Variants in RAD51B observed in about 807,000 individuals in gnomAD.
RAD51B encodes the protein RAD51 paralog B, also known as DNA repair protein RAD51 homolog 2.
A neutral mutation model predicts 42.2 loss-of-function variants in RAD51B; 38 were observed. The ratio of observed to expected loss-of-function variants is 0.90; its 90% CI spans 0.70 to 1.18. The LOEUF (loss-of-function observed/expected upper bound fraction) is 1.18. Among genes scored for constraint, RAD51B ranks in the 50% most tolerant of loss-of-function variants. RAD51B has a pLI of 0.00. For missense variants in RAD51B, 373 were observed against 400.7 expected (o/e 0.93, Z 0.59); for synonymous variants, 154 against 145.2 (o/e 1.06, Z -0.43).
intron 7 of RAD51B, among the ~76,000 whole-genome samples, chr14:68,175,178 C>A (rs536683188): frequency 6.6e-6 from 1 of 152,128 alleles, no homozygotes; most frequent in Non-Finnish European, 1.5e-5. Flanking sequence ...CTGAGACTTA[C>A]AACTTCAAAC....
intron 8 of RAD51B, among the ~76,000 whole-genome samples, chr14:68,295,344 G>C (rs1481955282): frequency 2.0e-5 from 3 of 152,264 alleles, no homozygotes; most frequent in Non-Finnish European, 4.4e-5. Flanking sequence ...AATTTAATAA[G>C]GGTGGTGGGG....
intron 7 of RAD51B, among the ~76,000 whole-genome samples, chr14:68,054,227 T>G (rs1825560363): frequency 6.6e-6 from 1 of 152,212 alleles, no homozygotes; most frequent in African/African-American, 2.4e-5. Context: ...CCTGAGCATG[T>G]GTTGCATTCA....
chr14:68,024,073 A>C (rs377758071), intron 7 of RAD51B, among the ~76,000 whole-genome samples: 3 of 152,186 alleles, frequency 2.0e-5, no homozygotes, highest in Non-Finnish European at 2.9e-5. Flanking sequence ...ATGGCTAGCC[A>C]GCTATCCCAG....
chr14:68,056,899 C>T (rs758743350), intron 7 of RAD51B, among the ~76,000 whole-genome samples: 1 of 151,760 alleles, frequency 6.6e-6, no homozygotes, highest in Non-Finnish European at 1.5e-5. Flanking sequence ...GCCAACATGG[C>T]GAACATGGTG....
chr14:67,894,868 G>A (rs1405465848), intron 7 of RAD51B, among the ~76,000 whole-genome samples: 1 of 152,100 alleles, frequency 6.6e-6, no homozygotes, highest in African/African-American at 2.4e-5. Context: ...CAGCTATGCC[G>A]AGTTCTAGTG....
intron 7 of RAD51B, among the ~76,000 whole-genome samples, chr14:68,109,114 T>C (rs1223425944): frequency 1.3e-5 from 2 of 152,012 alleles, no homozygotes; most frequent in Admixed American, 1.3e-4. Context: ...AATTATATCA[T>C]TAAAAAATGT....
chr14:68,185,645 G>A (rs971299149), intron 7 of RAD51B, among the ~76,000 whole-genome samples: 3 of 151,892 alleles, frequency 2.0e-5, no homozygotes, highest in African/African-American at 4.8e-5. Context: ...GACCAGTTTT[G>A]TGGAAGACAA....
At chr14:68,306,130 T>G (rs1015365451) in intron 8 of RAD51B, among the ~76,000 whole-genome samples, 2 of 152,208 alleles carry the variant, frequency 1.3e-5, no homozygotes, top group African/African-American at 4.8e-5. Flanking sequence ...GAAAGTTTAG[T>G]TATTCATCAT....
intron 10 of RAD51B, among the ~76,000 whole-genome samples, chr14:68,634,981 C>G (rs1299409239): frequency 6.6e-6 from 1 of 152,210 alleles, no homozygotes; most frequent in South Asian, 2.1e-4. Flanking sequence ...GATGATCCCC[C>G]TTTGGATGCA....
At chr14:68,574,679 G>A (rs1889881154) in intron 10 of RAD51B, among the ~76,000 whole-genome samples, 1 of 152,230 alleles carries the variant, frequency 6.6e-6, no homozygotes, top group African/African-American at 2.4e-5. Context: ...TACTGCAACA[G>A]CCCCGTGGTT....
chr14:67,853,082 G>A lies in RAD51B; in HGVS notation c.316-11921G>A, dbSNP rs183706269. Among the ~76,000 whole-genome samples the A allele has an allele frequency of 2.0e-5, 3 of 152,346 alleles. No homozygotes were observed. The East Asian group carries it at 5.8e-4, about 29-fold the overall frequency. On this transcript the variant is annotated intron_variant, in intron 4 of 10. Coordinates refer to ENST00000471583, the MANE Select transcript of RAD51B (RefSeq NM_133510.4). The stretch of plus-strand genomic sequence containing the variant: ...TCAGGATGCCATTGCTGCCTTGAAG[G>A]TGGAGGGGCCATGATTAAAGGAATG...
intron 7 of RAD51B, among the ~76,000 whole-genome samples, chr14:68,241,328 G>A (rs2080380997): frequency 6.6e-6 from 1 of 152,198 alleles, no homozygotes; most frequent in Non-Finnish European, 1.5e-5. Flanking sequence ...GGATCACGAG[G>A]TCAGGAGATT....
intron 10 of RAD51B, among the ~76,000 whole-genome samples, chr14:68,604,264 C>G (rs1175216380): frequency 6.7e-6 from 1 of 149,018 alleles, no homozygotes; most frequent in African/African-American, 2.5e-5. Flanking sequence ...GAAACTCCCC[C>G]TGCACAAGGC....
chr14:68,224,180 C>G (rs2079988740), intron 7 of RAD51B, among the ~76,000 whole-genome samples: 1 of 152,196 alleles, frequency 6.6e-6, no homozygotes, highest in South Asian at 2.1e-4. Context: ...TTTGATGCAG[C>G]CTGCTTCCTG....
chr14:68,476,579 G>A (rs1285634732), intron 10 of RAD51B, among the ~76,000 whole-genome samples: 2 of 152,174 alleles, frequency 1.3e-5, no homozygotes, highest in African/African-American at 2.4e-5. Flanking sequence ...ACCCATGAGG[G>A]CTTTACAAAC....
At chr14:68,560,779 C>T (rs1447900418) in intron 10 of RAD51B, among the ~76,000 whole-genome samples, 2 of 151,926 alleles carry the variant, frequency 1.3e-5, no homozygotes, top group African/African-American at 4.8e-5. Flanking sequence ...CTGGCCTCCC[C>T]CCGCCCCACA....
intron 8 of RAD51B, among the ~76,000 whole-genome samples, chr14:68,326,574 A>G (rs2082256627): frequency 6.6e-6 from 1 of 152,218 alleles, no homozygotes; most frequent in African/African-American, 2.4e-5. Context: ...CTAGATCATG[A>G]ACAGAGAACT....
chr14:68,257,747 T>C (rs1386246277), intron 7 of RAD51B, among the ~76,000 whole-genome samples: 5 of 152,022 alleles, frequency 3.3e-5, no homozygotes, highest in Admixed American at 6.5e-5. Context: ...ATAAATATGT[T>C]AGGTTTCATA....
chr14:67,841,002 G>C (rs1486277641), intron 4 of RAD51B, among the ~76,000 whole-genome samples: 1 of 152,100 alleles, frequency 6.6e-6, no homozygotes, highest in Non-Finnish European at 1.5e-5. Context: ...GTTTCACCAT[G>C]TTGGCCAGGC....
Sources: gnomAD v4.1 joint callset for allele counts (sites outside exome capture counted in the v4.1 genomes callset) on GRCh38, gnomAD v4.1.1 for gene constraint, MANE v1.5 for transcripts, NCBI Gene and HGNC (gene_info 2026-07-23, HGNC 2026-07-21) for gene names.